The following SHROOM3 variants were observed in gnomAD, a reference collection of about 807,000 sequenced individuals.
SHROOM3 encodes the protein protein Shroom3.
Under a neutral mutation model 138.6 loss-of-function variants are expected in SHROOM3, and 47 were observed. The observed-to-expected ratio is 0.34, with a 90% CI of 0.27 to 0.43. The LOEUF (loss-of-function observed/expected upper bound fraction) is 0.43, where lower values mean the gene tolerates loss of function less well. SHROOM3 is among the 20% of genes least tolerant of loss of function. The probability of loss-of-function intolerance (pLI) is 1.00; values close to 1 mark genes in which losing one functional copy is unlikely to be tolerated. For synonymous variants in SHROOM3, 1,062 were observed against 1,063.3 expected, an observed-to-expected ratio of 1.00 and a Z score of 0.02; for missense variants, 2,491 against 2,596.5, an observed-to-expected ratio of 0.96 and a Z score of 0.88.
rs568629395 is a variant in SHROOM3 at position 76,442,465 on chromosome 4, A to G, written c.168+6245A>G. 2.4e-4 allele frequency among the ~76,000 whole-genome samples: 34 copies of G among 139,784 alleles called. No individual in the cohort carries two copies. The Admixed American group carries it at 2.6e-3, about 11-fold the overall frequency. The allele number at this position is 139,784 out of a possible 152,430, so 91.7% of individuals were successfully genotyped here. A position where few individuals can be genotyped will look rare whatever the true frequency, so the allele number is the denominator to read the frequency against. ...TGCTCTGTCGCCCAGGCTGGAGTGCAGTGGTGCGATCTCGGGTCACTGTAA... is the reference window on the plus strand; with the variant it reads ...TGCTCTGTCGCCCAGGCTGGAGTGCGGTGGTGCGATCTCGGGTCACTGTAA... On this transcript the variant is annotated intron_variant, in intron 1 of 10. Transcript: ENST00000296043.
At chr4:76,649,055 G>A (rs1289326497) in intron 2 of SHROOM3, among the ~76,000 whole-genome samples, 3 of 152,140 alleles carry the variant, frequency 2.0e-5, no homozygotes, top group Admixed American at 2.0e-4. Flanking sequence ...ATAAGAGTAG[G>A]TATATGTAAT....
chr4:76,572,053 T>C (rs1231004280), intron 2 of SHROOM3, among the ~76,000 whole-genome samples: 4 of 152,184 alleles, frequency 2.6e-5, no homozygotes, highest in African/African-American at 9.7e-5. Context: ...AATCTTTCCT[T>C]CCTGAGAATT....
intron 2 of SHROOM3, among the ~76,000 whole-genome samples, chr4:76,594,729 C>A (rs574386940): frequency 6.6e-6 from 1 of 152,128 alleles, no homozygotes; most frequent in Non-Finnish European, 1.5e-5. Flanking sequence ...ACCATTGGAA[C>A]GCCATGAATT....
intron 1 of SHROOM3, among the ~76,000 whole-genome samples, chr4:76,490,682 T>C (rs748015767): frequency 6.6e-6 from 1 of 152,234 alleles, no homozygotes; most frequent in African/African-American, 2.4e-5. Flanking sequence ...CTCAGTTGAA[T>C]TGTATTTCAG....
intron 1 of SHROOM3, among the ~76,000 whole-genome samples, chr4:76,476,107 G>A (rs1322327076): frequency 6.6e-6 from 1 of 152,208 alleles, no homozygotes; most frequent in Non-Finnish European, 1.5e-5. Flanking sequence ...AATTGTGCCA[G>A]CAGAATATGT....
chr4:76,639,741 G>A (rs974267589), intron 2 of SHROOM3: 4 of 396,270 alleles, frequency 1.0e-5, no homozygotes, highest in South Asian at 1.4e-4. Flanking sequence ...CCACTACAGC[G>A]TTACTCTTCC....
At chr4:76,568,388 T>C (rs535307901) in intron 2 of SHROOM3, among the ~76,000 whole-genome samples, 5 of 152,326 alleles carry the variant, frequency 3.3e-5, no homozygotes, top group African/African-American at 2.4e-5. Context: ...CGTTAGTTAT[T>C]TTTCCTGCAT....
intron 9 of SHROOM3, among the ~76,000 whole-genome samples, chr4:76,764,117 A>G (rs1722072721): frequency 6.6e-6 from 1 of 152,254 alleles, no homozygotes; most frequent in Non-Finnish European, 1.5e-5. Context: ...TAAAAATAAC[A>G]CTTTAGTTTC....
chr4:76,624,711 A>G lies in SHROOM3; in HGVS notation c.323+68948A>G, dbSNP rs75974029. Among the ~76,000 whole-genome samples, 50 of 152,328 alleles carry G rather than the reference A, an allele frequency of 3.3e-4. No individual in the cohort carries two copies. The East Asian group carries it at 5.6e-3, about 17-fold the overall frequency. On this transcript the variant is annotated intron_variant, in intron 2 of 10. Transcript: ENST00000296043. ...ATAAAGAGGTGTCTGAAATGAATCA[A>G]TGTGTTAACATCTGTACTAATATGA...
chr4:76,684,271 C>G (rs1719273481), intron 2 of SHROOM3, among the ~76,000 whole-genome samples: 1 of 152,178 alleles, frequency 6.6e-6, no homozygotes, highest in South Asian at 2.1e-4. Context: ...ACCTGAGTGA[C>G]TGTTATTTAA....
intron 2 of SHROOM3, among the ~76,000 whole-genome samples, chr4:76,695,342 T>C (rs558055015): frequency 6.6e-6 from 1 of 152,330 alleles, no homozygotes; most frequent in South Asian, 2.1e-4. Flanking sequence ...GGCTGCCTAT[T>C]AGAATTTGAC....
intron 5 of SHROOM3, among the ~76,000 whole-genome samples, chr4:76,746,525 C>CTATAGCAAACTCTATAGCACTGTAAGCAA (rs1721440357): frequency 6.6e-6 from 1 of 152,158 alleles, no homozygotes; most frequent in South Asian, 2.1e-4. Flanking sequence ...TCTGTAAGCA[C>CTATAGCAAACTCTATAGCACTGTAAGCAA]ACTCTATAAT....
intron 2 of SHROOM3, among the ~76,000 whole-genome samples, chr4:76,659,606 G>A (rs1010596994): frequency 6.6e-6 from 1 of 152,196 alleles, no homozygotes; most frequent in East Asian, 1.9e-4. Flanking sequence ...TTATGAGCTA[G>A]AGTCTCACTC....
chr4:76,775,603 A>G (rs1272525426), intron 10 of SHROOM3, among the ~76,000 whole-genome samples: 3 of 151,830 alleles, frequency 2.0e-5, no homozygotes, highest in African/African-American at 4.8e-5. Flanking sequence ...ACTCATATTT[A>G]TAGCAGTACA....
intron 2 of SHROOM3, among the ~76,000 whole-genome samples, chr4:76,699,860 TG>T (rs975337246): frequency 6.6e-6 from 1 of 152,164 alleles, no homozygotes; most frequent in Non-Finnish European, 1.5e-5. Flanking sequence ...GAGACTCCCC[TG>T]ATGCAGGATG....
intron 2 of SHROOM3, among the ~76,000 whole-genome samples, chr4:76,570,408 T>C (rs895707024): frequency 1.3e-5 from 2 of 152,176 alleles, no homozygotes; most frequent in Non-Finnish European, 2.9e-5. Flanking sequence ...AACCTGGGGC[T>C]GTGGCTGGTG....
intron 2 of SHROOM3, among the ~76,000 whole-genome samples, chr4:76,596,917 A>G (rs1734402002): frequency 6.6e-6 from 1 of 152,064 alleles, no homozygotes; most frequent in Non-Finnish European, 1.5e-5. Flanking sequence ...TTATCACCTG[A>G]CACTCTCAGC....
intron 2 of SHROOM3, among the ~76,000 whole-genome samples, chr4:76,655,959 G>A (rs909685233): frequency 7.2e-5 from 11 of 152,112 alleles, no homozygotes; most frequent in African/African-American, 2.4e-4. Context: ...ATACTAGACC[G>A]GAAAATAGAG....
Position 76,750,095 on chromosome 4 carries a change from T to C in SHROOM3, c.3827+1005T>C, listed in dbSNP as rs948072615. 2.0e-5 allele frequency among the ~76,000 whole-genome samples: 3 copies of C among 152,208 alleles called. 1 individual carries two copies. Among genetic ancestry groups the C allele is most frequent in the Non-Finnish European group, 4.4e-5 (3 of 68,034 alleles). On this transcript the variant is annotated intron_variant, in intron 6 of 10. Coordinates refer to ENST00000296043, the MANE Select transcript of SHROOM3 (RefSeq NM_020859.4). ...AAGTAGGTATTAATTACCTGCTTTC[T>C]AGCCAAGATCAGCCTTCTACATTTA...
Sources: allele counts gnomAD v4.1 joint callset (sites outside exome capture counted in the v4.1 genomes callset), GRCh38; gene constraint gnomAD v4.1.1; transcripts MANE v1.5; gene names NCBI Gene and HGNC (gene_info 2026-07-23, HGNC 2026-07-21).